The following PCDH7 variants were observed in gnomAD, a reference collection of about 807,000 sequenced individuals.
The protein encoded by PCDH7 is protocadherin 7.
A neutral mutation model predicts 58.9 loss-of-function variants in PCDH7; 17 were observed. The observed-to-expected ratio is 0.29, with a 90% confidence interval of 0.20 to 0.43. The LOEUF is 0.43. Ranked by LOEUF, PCDH7 falls within the 20% of genes least tolerant of loss-of-function variation. The pLI is 1.00. For synonymous variants in PCDH7, 664 were observed against 616.4 expected (o/e 1.08, Z -1.14); for missense variants, 1,274 against 1,441.0 (o/e 0.88, Z 1.88).
intron 1 of PCDH7, among the ~76,000 whole-genome samples, chr4:30,725,948 T>C (rs1040269339): frequency 2.6e-5 from 4 of 152,120 alleles, no homozygotes; most frequent in Non-Finnish European, 2.9e-5. Context: ...TATACTTTTA[T>C]ATCTAATAAC....
intron 1 of PCDH7, among the ~76,000 whole-genome samples, chr4:30,812,711 A>G (rs112865938): frequency 2.6e-5 from 4 of 152,294 alleles, no homozygotes; most frequent in African/African-American, 4.8e-5. Flanking sequence ...TCTCAGTATT[A>G]TCTTCTATTT....
intron 1 of PCDH7, among the ~76,000 whole-genome samples, chr4:30,739,550 A>T (rs953576176): frequency 4.0e-5 from 6 of 151,788 alleles, no homozygotes; most frequent in Non-Finnish European, 8.8e-5. Context: ...GGAACAATAG[A>T]TGGTAATGTC....
chr4:30,836,672 G>T (rs1730523753), intron 1 of PCDH7, among the ~76,000 whole-genome samples: 1 of 151,910 alleles, frequency 6.6e-6, no homozygotes. Context: ...GGAGATCTAG[G>T]AGTAAAATAA....
chr4:30,831,743 A>T (rs182729513), intron 1 of PCDH7, among the ~76,000 whole-genome samples: 1 of 152,280 alleles, frequency 6.6e-6, no homozygotes, highest in African/African-American at 2.4e-5. Context: ...GCCTATTTTC[A>T]TACCAGCTAC....
rs73812523 is a variant in PCDH7 at position 31,088,472 on chromosome 4, A to G, written c.*8-54001A>G. On this transcript the variant is annotated intron_variant, in intron 3 of 3. Transcript: ENST00000509759. ...TGGCTTTCCCTGGGCCTTTCTTTAT[A>G]TCTCATACGTCATAAATTTTGCTTT... 4.6e-3 allele frequency among the ~76,000 whole-genome samples: 694 copies of G among 152,052 alleles called. 6 individuals carry two copies. The highest frequency in any genetic ancestry group is 0.016 in the African/African-American group (662 of 41,526).
intron 3 of PCDH7, among the ~76,000 whole-genome samples, chr4:31,127,587 C>A (rs572740361): frequency 6.6e-6 from 1 of 152,158 alleles, no homozygotes; most frequent in Admixed American, 6.5e-5. Flanking sequence ...CACAATTACA[C>A]CTAATTCTAG....
chr4:31,085,419 G>A (rs1712277673), intron 3 of PCDH7, among the ~76,000 whole-genome samples: 1 of 152,158 alleles, frequency 6.6e-6, no homozygotes, highest in Non-Finnish European at 1.5e-5. Flanking sequence ...TCTTACAAAG[G>A]CAATCTAGTC....
chr4:31,054,452 T>C (rs1756993841), intron 3 of PCDH7, among the ~76,000 whole-genome samples: 1 of 152,076 alleles, frequency 6.6e-6, no homozygotes, highest in Non-Finnish European at 1.5e-5. Flanking sequence ...AAGCAAAAAA[T>C]ACAAACTAAC....
At chr4:30,950,960 C>T (rs4388046) in intron 3 of PCDH7, among the ~76,000 whole-genome samples, 5,600 of 152,196 alleles carry the variant, frequency 0.037, 316 homozygotes, top group African/African-American at 0.12. Flanking sequence ...CCAGGAAGCA[C>T]CCGCCTTCTT....
rs773990069 is a variant in PCDH7, at chr4:30,721,641, G to A, written c.219G>A (p.Glu73=). 2 of 1,613,720 alleles carry A rather than the reference G, an allele frequency of 1.2e-6. No individual in the cohort carries two copies. The highest frequency in any genetic ancestry group is 1.7e-6 in the Non-Finnish European group (2 of 1,179,994). Residue 73 remains glutamate, a synonymous_variant, in exon 1 of 2, where the codon GAG becomes GAA. Transcript: ENST00000361762. This position sits in a 1 kb window ranked among gnomAD's most constrained non-coding sequence, Gnocchi z 6.7. The stretch of plus-strand genomic sequence containing the variant: ...CTTTCAGCCTGGAGTCCGGTTCCGA[G>A]TACCTGAAGATCGACAACCTCACTG...
At chr4:31,137,145 G>C (rs188891504) in intron 3 of PCDH7, among the ~76,000 whole-genome samples, 1 of 152,186 alleles carries the variant, frequency 6.6e-6, no homozygotes, top group African/African-American at 2.4e-5. Context: ...TAGCATTTAA[G>C]TGTGCTTCTA....
chr4:30,757,834 A>G (rs1242732303), intron 1 of PCDH7, among the ~76,000 whole-genome samples: 8 of 152,218 alleles, frequency 5.3e-5, no homozygotes, highest in Non-Finnish European at 1.2e-4. Flanking sequence ...TAGGCTCTCA[A>G]TAAAAGCTTG....
intron 1 of PCDH7, among the ~76,000 whole-genome samples, chr4:30,836,990 G>A (rs1577993096): frequency 6.6e-6 from 1 of 152,100 alleles, no homozygotes; most frequent in East Asian, 1.9e-4. Flanking sequence ...TATAAAACAT[G>A]GAACATTGAG....
intron 3 of PCDH7, among the ~76,000 whole-genome samples, chr4:30,984,453 T>G (rs1023634729): frequency 2.0e-5 from 3 of 152,208 alleles, no homozygotes; most frequent in Non-Finnish European, 4.4e-5. Context: ...CCAGCCAATT[T>G]TACTTCTCAG....
chr4:30,802,878 T>C (rs1442027082), intron 1 of PCDH7, among the ~76,000 whole-genome samples: 1 of 152,112 alleles, frequency 6.6e-6, no homozygotes, highest in Admixed American at 6.6e-5. Context: ...GCATGGTTAT[T>C]CAATTTTCTC....
chr4:31,138,918 G>T (rs949437114), intron 3 of PCDH7, among the ~76,000 whole-genome samples: 1 of 151,426 alleles, frequency 6.6e-6, no homozygotes, highest in Non-Finnish European at 1.5e-5. Flanking sequence ...AGAGGTTGCG[G>T]TGAGGCAAGA....
chr4:30,769,512 A>G (rs1360283398), intron 1 of PCDH7, among the ~76,000 whole-genome samples: 2 of 152,158 alleles, frequency 1.3e-5, no homozygotes, highest in African/African-American at 4.8e-5. Context: ...TTCTCCATGC[A>G]TGTATCTTCC....
chr4:31,098,531 A>G (rs2109297234), intron 3 of PCDH7, among the ~76,000 whole-genome samples: 1 of 152,332 alleles, frequency 6.6e-6, no homozygotes, highest in East Asian at 1.9e-4. Context: ...GGGGAGAACA[A>G]TGTTATGATT....
chr4:30,847,738 G>A (rs1006625084), intron 1 of PCDH7, among the ~76,000 whole-genome samples: 1 of 152,048 alleles, frequency 6.6e-6, no homozygotes, highest in African/African-American at 2.4e-5. Context: ...ACAAATTGCA[G>A]TATGATTTTT....
Sources: gnomAD v4.1 joint callset for allele counts (sites outside exome capture counted in the v4.1 genomes callset) on GRCh38, gnomAD v4.1.1 for gene constraint, Gnocchi (gnomAD v3.1) non-coding constraint, MANE v1.5 for transcripts, NCBI Gene and HGNC (gene_info 2026-07-23, HGNC 2026-07-21) for gene names.